NPHP1: variants seen among roughly 807,000 people sequenced by gnomAD.
NPHP1 encodes nephrocystin-1.
NPHP1 carries 70 observed loss-of-function variants against 90.4 expected under a neutral mutation model. The ratio of observed to expected loss-of-function variants is 0.77; its 90% confidence interval spans 0.64 to 0.95. The LOEUF is 0.95. Ranked by LOEUF, NPHP1 falls within the 40% of genes least tolerant of loss-of-function variation. The probability of loss-of-function intolerance (pLI) is 0.00; values close to 1 mark genes in which losing one functional copy is unlikely to be tolerated. For synonymous variants in NPHP1, 256 were observed against 271.7 expected, an observed-to-expected ratio of 0.94 and a Z score of 0.57; for missense variants, 764 against 795.9, an observed-to-expected ratio of 0.96 and a Z score of 0.48.
intron 19 of NPHP1, chr2:110,124,972 C>G: frequency 2.4e-6 from 1 of 408,884 alleles, no homozygotes; most frequent in African/African-American, 2.1e-5. Context: ...GGACTGTGGG[C>G]CAAATGTGGA....
chr2:110,140,604 C>T (rs756820379), intron 16 of NPHP1, among the ~76,000 whole-genome samples: 14 of 152,048 alleles, frequency 9.2e-5, no homozygotes, highest in Admixed American at 2.6e-4. Flanking sequence ...GGAGTGCTTC[C>T]GGACTCTTGG....
intron 2 of NPHP1, among the ~76,000 whole-genome samples, chr2:110,192,715 G>A (rs1019133520): frequency 2.0e-5 from 3 of 152,140 alleles, no homozygotes; most frequent in Admixed American, 6.5e-5. Flanking sequence ...TCAGATTCAC[G>A]AAAGTTGAAA....
intron 16 of NPHP1, among the ~76,000 whole-genome samples, chr2:110,141,062 T>C (rs1379056421): frequency 1.3e-5 from 2 of 152,144 alleles, no homozygotes; most frequent in Non-Finnish European, 2.9e-5. Context: ...ACAGTCTCTG[T>C]CCCATGCCAT....
chr2:110,144,580 A>T lies in NPHP1; in HGVS notation c.1353-11T>A. 1 of 1,485,920 alleles carries T rather than the reference A, an allele frequency of 6.7e-7. No individual in the cohort carries two copies. The highest frequency in any genetic ancestry group is 9.4e-7 in the Non-Finnish European group (1 of 1,063,372). 92.0% of individuals were successfully genotyped at this position (1,485,920 alleles called of 1,614,324 possible). A position where few individuals can be genotyped will look rare whatever the true frequency, so the allele number is the denominator to read the frequency against. The stretch of plus-strand genomic sequence containing the variant: ...AAAAGCTCATAAGTTCTATAAAAGA[A>T]TAACATACAATGACAGATATAAGCT... On this transcript the variant is annotated splice_polypyrimidine_tract_variant and intron_variant, in intron 14 of 19. Coordinates refer to ENST00000445609, the MANE Select transcript of NPHP1 (RefSeq NM_001128178.3).
chr2:110,136,146 T>G (rs973703966), intron 16 of NPHP1, among the ~76,000 whole-genome samples: 1 of 152,128 alleles, frequency 6.6e-6, no homozygotes, highest in African/African-American at 2.4e-5. Flanking sequence ...AAACTCTCAA[T>G]AAATTAGGTA....
At chr2:110,201,325 A>C in intron 2 of NPHP1, 96 bp downstream of exon 2, 1 of 838,492 alleles carries the variant, frequency 1.2e-6, no homozygotes, top group Non-Finnish European at 2.0e-6. Flanking sequence ...TGATTCTTCC[A>C]TTTGATTCCA....
At chr2:110,158,936 G>A (rs559696571) in intron 11 of NPHP1, among the ~76,000 whole-genome samples, 2 of 151,856 alleles carry the variant, frequency 1.3e-5, no homozygotes, top group East Asian at 3.9e-4. Context: ...TGCAATTTGA[G>A]GACTCTCCCT....
At chr2:110,200,033 G>A (rs1456965486) in intron 2 of NPHP1, among the ~76,000 whole-genome samples, 2 of 152,074 alleles carry the variant, frequency 1.3e-5, no homozygotes, top group African/African-American at 4.8e-5. Flanking sequence ...CAAAGCAGGG[G>A]GCATGAGGTC....
chr2:110,137,255 T>C lies in NPHP1; in HGVS notation c.1530-5464A>G, dbSNP rs1574071896. On this transcript the variant is annotated intron_variant, in intron 16 of 19. Transcript: ENST00000445609. ...AACCTAGGCAATCTCATTCAGGACATAGGCATGGGCAAGGACTTCATGTCT... is the reference window on the plus strand; with the variant it reads ...AACCTAGGCAATCTCATTCAGGACACAGGCATGGGCAAGGACTTCATGTCT... Among the ~76,000 whole-genome samples the C allele has an allele frequency of 3.3e-5, 5 of 152,232 alleles. 1 individual carries two copies. In the South Asian group the frequency reaches 6.2e-4, roughly 19 times the overall value.
intron 16 of NPHP1, among the ~76,000 whole-genome samples, chr2:110,142,260 T>TTA (rs1445230016): frequency 6.6e-6 from 1 of 152,092 alleles, no homozygotes; most frequent in Non-Finnish European, 1.5e-5. Context: ...TTATGGTGGG[T>TTA]TATAGCCCCA....
chr2:110,160,389 T>G, intron 10 of NPHP1, 134 bp from the exon 11 acceptor site: 1 of 639,624 alleles, frequency 1.6e-6, no homozygotes. Flanking sequence ...ACAATAAAAG[T>G]TTCAATACTC....
At chr2:110,177,813 C>T (rs947151030) in intron 4 of NPHP1, among the ~76,000 whole-genome samples, 1 of 151,722 alleles carries the variant, frequency 6.6e-6, no homozygotes, top group Non-Finnish European at 1.5e-5. Flanking sequence ...GTGATTATAG[C>T]TCACTGCAGC....
At chr2:110,139,451 A>AG (rs1224055627) in intron 16 of NPHP1, among the ~76,000 whole-genome samples, 1 of 152,222 alleles carries the variant, frequency 6.6e-6, no homozygotes, top group Non-Finnish European at 1.5e-5. Context: ...CAAGGTCGCC[A>AG]TGATCACAAC....
rs571444457 is a variant in NPHP1, at chr2:110,151,125, C to T, written c.1084-869G>A. On this transcript the variant is annotated intron_variant, in intron 11 of 19. Coordinates refer to ENST00000445609, the MANE Select transcript of NPHP1 (RefSeq NM_001128178.3). ...AGGTTGCAGTGAGCTGATACCACAC[C>T]ACTGCACTCCAGCCTGAGCGATGGA... Among the ~76,000 whole-genome samples, 246 of 141,224 alleles carry T rather than the reference C, an allele frequency of 1.7e-3. 2 individuals carry two copies. Among genetic ancestry groups the T allele is most frequent in the South Asian group, 0.016 (70 of 4,430 alleles). The allele number at this position is 141,224 out of a possible 152,430, so 92.6% of individuals were successfully genotyped here.
chr2:110,200,083 A>G (rs7585308), intron 2 of NPHP1, among the ~76,000 whole-genome samples: 143,331 of 151,692 alleles, frequency 0.94, 68,223 homozygotes, highest in Middle Eastern at 1. Context: ...GTGAAACCCC[A>G]TCTCTACTAA....
At chr2:110,191,197 G>C (rs910983504) in intron 2 of NPHP1, among the ~76,000 whole-genome samples, 2 of 152,158 alleles carry the variant, frequency 1.3e-5, no homozygotes, top group Non-Finnish European at 2.9e-5. Context: ...CACCGAGCAT[G>C]AGCTGAAGCA....
At position 110,165,082 on chromosome 2, in the gene NPHP1, T is replaced by C; in HGVS notation, c.698A>G (p.Glu233Gly). 6.2e-7 allele frequency: 1 copy of C among 1,613,774 alleles called. No individual in the cohort carries two copies. Among genetic ancestry groups the C allele is most frequent in the South Asian group, 1.1e-5 (1 of 91,078 alleles). ...CTTAACTTCTGCTCCATCTGCTGTT[T>C]CATCCACCGCCTCTACATCTTCTTC... ...GSEEDVEAVD[E>G]TADGAEVKQR... Residue 233 changes from glutamate to glycine, a missense_variant, in exon 7 of 20, where the codon GAA becomes GGA. Glu to Gly is a moderately conservative substitution (Grantham distance 98). Transcript: ENST00000445609.
At chr2:110,144,469 G>A (rs1192224110) in intron 15 of NPHP1, 24 bp downstream of exon 15, 1 of 1,484,376 alleles carries the variant, frequency 6.7e-7, no homozygotes, top group Admixed American at 1.7e-5. Context: ...TTAAGGAAAG[G>A]AAGACAACAC....
intron 2 of NPHP1, among the ~76,000 whole-genome samples, chr2:110,201,017 C>T (rs1213446293): frequency 6.6e-6 from 1 of 152,064 alleles, no homozygotes; most frequent in African/African-American, 2.4e-5. Context: ...TATTTAAACT[C>T]TCCCAAGGAT....
Sources: gnomAD v4.1 joint callset for allele counts (sites outside exome capture counted in the v4.1 genomes callset) on GRCh38, gnomAD v4.1.1 for gene constraint, MANE v1.5 for transcripts, NCBI Gene and HGNC (gene_info 2026-07-23, HGNC 2026-07-21) for gene names.